ADCK1: variants seen among roughly 807,000 people sequenced by gnomAD.
ADCK1 encodes the protein aarF domain-containing protein kinase 1.
Under a neutral mutation model 52.3 loss-of-function variants are expected in ADCK1, and 41 were observed. The observed-to-expected ratio is 0.78, with a 90% CI of 0.61 to 1.02. ADCK1 has a LOEUF of 1.02. ADCK1 is among the 50% of genes least tolerant of loss of function. The pLI is 0.00. For missense variants in ADCK1, 658 were observed against 679.5 expected (o/e 0.97, Z 0.35); for synonymous variants, 250 against 274.6 (o/e 0.91, Z 0.89).
intron 3 of ADCK1, among the ~76,000 whole-genome samples, chr14:77,823,357 A>T (rs1461016749): frequency 6.6e-6 from 1 of 152,126 alleles, no homozygotes; most frequent in South Asian, 2.1e-4. Flanking sequence ...ACTCGGCTCA[A>T]GCTCTCCTCT....
chr14:77,920,315 A>G (rs1056345977), intron 7 of ADCK1, among the ~76,000 whole-genome samples: 3 of 152,142 alleles, frequency 2.0e-5, no homozygotes, highest in Non-Finnish European at 4.4e-5. Flanking sequence ...ATTCTTCTAC[A>G]TGTGGCTAGC....
chr14:77,866,492 G>T (rs11159300), intron 4 of ADCK1, among the ~76,000 whole-genome samples: 57,670 of 152,016 alleles, frequency 0.38, 11,724 homozygotes, highest in Admixed American at 0.51. Context: ...CTCCCACTTT[G>T]GGGGGTTACC....
At chr14:77,804,221 G>A (rs2081170727) in intron 1 of ADCK1, among the ~76,000 whole-genome samples, 1 of 152,134 alleles carries the variant, frequency 6.6e-6, no homozygotes, top group Non-Finnish European at 1.5e-5. Flanking sequence ...GAACAGGGCA[G>A]GTGATTCATT....
At chr14:77,868,912 A>G (rs1237371679) in intron 4 of ADCK1, among the ~76,000 whole-genome samples, 1 of 152,168 alleles carries the variant, frequency 6.6e-6, no homozygotes, top group East Asian at 1.9e-4. Flanking sequence ...AGAGGGAGTA[A>G]TTAGAGAACA....
At chr14:77,831,829 A>C (rs181886330) in intron 3 of ADCK1, among the ~76,000 whole-genome samples, 9 of 152,248 alleles carry the variant, frequency 5.9e-5, no homozygotes, top group Admixed American at 2.6e-4. Flanking sequence ...TGGCCTGTGG[A>C]TATTGGTTGG....
chr14:77,878,221 CAT>C (rs1232372004), intron 4 of ADCK1, among the ~76,000 whole-genome samples: 1 of 152,266 alleles, frequency 6.6e-6, no homozygotes, highest in African/African-American at 2.4e-5. Flanking sequence ...GTGCCCTGCA[CAT>C]ATTAGTCACT....
At chr14:77,931,368 G>A in intron 9 of ADCK1, 150 bp from the exon 10 acceptor site, 1 of 726,478 alleles carries the variant, frequency 1.4e-6, no homozygotes, top group South Asian at 1.8e-5. Flanking sequence ...TCTATGGGGA[G>A]TGCTCCTAGC....
intron 9 of ADCK1, among the ~76,000 whole-genome samples, chr14:77,927,472 G>A (rs1214826610): frequency 6.6e-6 from 1 of 152,186 alleles, no homozygotes; most frequent in Non-Finnish European, 1.5e-5. Context: ...TTGGGCTGTG[G>A]GTATGAGCTG....
At chr14:77,868,565 G>A (rs1181974758) in intron 4 of ADCK1, among the ~76,000 whole-genome samples, 4 of 152,104 alleles carry the variant, frequency 2.6e-5, no homozygotes, top group Admixed American at 1.3e-4. Context: ...TTATACTAAT[G>A]TGCTCACCAG....
chr14:77,896,648 C>T (rs201030128), intron 5 of ADCK1, among the ~76,000 whole-genome samples: 19 of 152,320 alleles, frequency 1.2e-4, no homozygotes, highest in Middle Eastern at 3.4e-3. Context: ...GGCACTGTGA[C>T]GAGATTTGAT....
chr14:77,835,084 C>T (rs1423997231), intron 3 of ADCK1, among the ~76,000 whole-genome samples: 4 of 152,126 alleles, frequency 2.6e-5, no homozygotes, highest in Non-Finnish European at 4.4e-5. Flanking sequence ...ATGAGAGATG[C>T]GGGGTAGGCA....
At chr14:77,869,381 G>A (rs1015546455) in intron 4 of ADCK1, among the ~76,000 whole-genome samples, 5 of 152,112 alleles carry the variant, frequency 3.3e-5, no homozygotes, top group Non-Finnish European at 5.9e-5. Flanking sequence ...CCCAATCTCT[G>A]CCTTCATCTT....
At chr14:77,856,967 A>C (rs1384578102) in intron 3 of ADCK1, among the ~76,000 whole-genome samples, 3 of 151,422 alleles carry the variant, frequency 2.0e-5, no homozygotes, top group Admixed American at 6.6e-5. Flanking sequence ...GCACCACTGC[A>C]CTCCAGCCTG....
intron 5 of ADCK1, among the ~76,000 whole-genome samples, chr14:77,898,630 G>C (rs1010867284): frequency 6.6e-6 from 1 of 151,978 alleles, no homozygotes. Flanking sequence ...AACACACCTG[G>C]GGCCTGTTGG....
chr14:77,887,019 C>A (rs538240489), intron 4 of ADCK1, 72 bp from the exon 5 acceptor site: 1 of 1,472,580 alleles, frequency 6.8e-7, no homozygotes, highest in Non-Finnish European at 9.0e-7. Context: ...CTGACTCTGG[C>A]CCATCTTCCT....
At chr14:77,915,030 C>G (rs2083885664) in intron 7 of ADCK1, among the ~76,000 whole-genome samples, 1 of 152,164 alleles carries the variant, frequency 6.6e-6, no homozygotes, top group South Asian at 2.1e-4. Flanking sequence ...GGCTCAGTGT[C>G]ATTTTTCCCC....
At chr14:77,845,515 C>T (rs1403020764) in intron 3 of ADCK1, among the ~76,000 whole-genome samples, 1 of 152,118 alleles carries the variant, frequency 6.6e-6, no homozygotes, top group Non-Finnish European at 1.5e-5. Context: ...CTCCATCTCC[C>T]GGGTTCAAAC....
intron 9 of ADCK1, among the ~76,000 whole-genome samples, chr14:77,926,487 T>C (rs960522564): frequency 6.6e-6 from 1 of 152,200 alleles, no homozygotes; most frequent in Non-Finnish European, 1.5e-5. Flanking sequence ...TTTGTTTGTT[T>C]GTTTGTTTAA....
intron 5 of ADCK1, among the ~76,000 whole-genome samples, chr14:77,894,672 C>T (rs1206971933): frequency 6.7e-6 from 1 of 150,350 alleles, no homozygotes; most frequent in East Asian, 1.9e-4. Context: ...AATGATAATT[C>T]CCCTTCTCTT....
Sources: gnomAD v4.1 joint callset for allele counts (sites outside exome capture counted in the v4.1 genomes callset) on GRCh38, gnomAD v4.1.1 for gene constraint, MANE v1.5 for transcripts, NCBI Gene and HGNC (gene_info 2026-07-23, HGNC 2026-07-21) for gene names.